The following LRFN5 variants were observed in gnomAD, a reference collection of about 807,000 sequenced individuals.
LRFN5 encodes leucine rich repeat and fibronectin type III domain containing 5.
LRFN5 carries 24 observed loss-of-function variants against 45.6 expected under a neutral mutation model. The observed-to-expected ratio is 0.53, with a 90% CI of 0.38 to 0.74. The LOEUF (loss-of-function observed/expected upper bound fraction) is 0.74, where lower values mean the gene tolerates loss of function less well. Ranked by LOEUF, LRFN5 falls within the 30% of genes least tolerant of loss-of-function variation. The pLI is 0.00. For missense variants in LRFN5, 776 were observed against 861.5 expected (o/e 0.90, Z 1.24); for synonymous variants, 340 against 313.8 (o/e 1.08, Z -0.88).
At chr14:41,667,830 G>T (rs1880975206) in intron 1 of LRFN5, among the ~76,000 whole-genome samples, 2 of 151,996 alleles carry the variant, frequency 1.3e-5, no homozygotes, top group South Asian at 2.1e-4. Flanking sequence ...ACTGAGCATG[G>T]CTTCTGACAG....
At chr14:41,706,814 A>G (rs1883086424) in intron 1 of LRFN5, among the ~76,000 whole-genome samples, 1 of 152,230 alleles carries the variant, frequency 6.6e-6, no homozygotes, top group Non-Finnish European at 1.5e-5. Flanking sequence ...GTAAAGCCAT[A>G]TAGAAAGATA....
chr14:41,652,178 A>T (rs1445080516), intron 1 of LRFN5, among the ~76,000 whole-genome samples: 1 of 152,108 alleles, frequency 6.6e-6, no homozygotes, highest in Non-Finnish European at 1.5e-5. Flanking sequence ...TTTTTAATAT[A>T]TTCAATTAAA....
chr14:41,693,059 A>G (rs144352023), intron 1 of LRFN5, among the ~76,000 whole-genome samples: 1 of 151,956 alleles, frequency 6.6e-6, no homozygotes, highest in Non-Finnish European at 1.5e-5. Flanking sequence ...GTGTGCATTT[A>G]TTTGTGGACT....
chr14:41,696,341 T>C (rs186730963), intron 1 of LRFN5, among the ~76,000 whole-genome samples: 1 of 152,070 alleles, frequency 6.6e-6, no homozygotes, highest in East Asian at 1.9e-4. Flanking sequence ...CTTATTTGAT[T>C]AAACAGTGGC....
At chr14:41,838,823 T>G (rs1888756398) in intron 2 of LRFN5, among the ~76,000 whole-genome samples, 1 of 152,134 alleles carries the variant, frequency 6.6e-6, no homozygotes, top group African/African-American at 2.4e-5. Flanking sequence ...GCGCTAAAAT[T>G]ATTGGTGGCC....
intron 2 of LRFN5, among the ~76,000 whole-genome samples, chr14:41,834,831 T>A (rs967963252): frequency 1.3e-5 from 2 of 151,760 alleles, no homozygotes; most frequent in East Asian, 3.9e-4. Context: ...CCTGGCTAAT[T>A]TTCGTATTTT....
intron 2 of LRFN5, among the ~76,000 whole-genome samples, chr14:41,835,729 G>A (rs979436106): frequency 6.6e-6 from 1 of 151,792 alleles, no homozygotes. Flanking sequence ...CACGTCTCAA[G>A]CAAAACAAAA....
chr14:41,616,774 A>C (rs2138548943), intron 1 of LRFN5, among the ~76,000 whole-genome samples: 1 of 152,206 alleles, frequency 6.6e-6, no homozygotes, highest in East Asian at 1.9e-4. Flanking sequence ...GAATTCAAAT[A>C]GTTGTCAAGA....
intron 2 of LRFN5, among the ~76,000 whole-genome samples, chr14:41,867,870 T>C (rs1204540696): frequency 6.6e-6 from 1 of 152,132 alleles, no homozygotes; most frequent in African/African-American, 2.4e-5. Flanking sequence ...TCATTTCTTC[T>C]TTGTCTCTGT....
intron 4 of LRFN5, 138 bp from the exon 5 acceptor site, chr14:41,898,779 G>GT (rs1170804831): frequency 7.6e-6 from 6 of 790,448 alleles, no homozygotes; most frequent in African/African-American, 5.5e-5. Flanking sequence ...GAACTGGTAA[G>GT]TTTTTTAAAA....
At chr14:41,820,706 G>C (rs927874990) in intron 2 of LRFN5, among the ~76,000 whole-genome samples, 1 of 151,850 alleles carries the variant, frequency 6.6e-6, no homozygotes, top group African/African-American at 2.4e-5. Context: ...GATTGCTTTG[G>C]TTAGCATATT....
intron 2 of LRFN5, among the ~76,000 whole-genome samples, chr14:41,841,188 A>G (rs1278420136): frequency 6.6e-6 from 1 of 151,994 alleles, no homozygotes; most frequent in African/African-American, 2.4e-5. Context: ...TGATTCTAGT[A>G]TCACATTTTA....
chr14:41,825,164 G>A (rs1354950048), intron 2 of LRFN5, among the ~76,000 whole-genome samples: 1 of 152,138 alleles, frequency 6.6e-6, no homozygotes, highest in Non-Finnish European at 1.5e-5. Flanking sequence ...CGTGCCCTCT[G>A]TTCAAGCCCT....
chr14:41,702,288 G>A (rs1015266054), intron 1 of LRFN5, among the ~76,000 whole-genome samples: 1 of 152,086 alleles, frequency 6.6e-6, no homozygotes, highest in Non-Finnish European at 1.5e-5. Flanking sequence ...CACATGCAGG[G>A]AATCCATGAA....
chr14:41,655,285 T>A (rs1437258647), intron 1 of LRFN5, among the ~76,000 whole-genome samples: 1 of 152,066 alleles, frequency 6.6e-6, no homozygotes, highest in Admixed American at 6.6e-5. Context: ...TTGGAAGGGT[T>A]ATTATTTTAT....
At chr14:41,855,640 A>C (rs142198253) in intron 2 of LRFN5, among the ~76,000 whole-genome samples, 1 of 152,162 alleles carries the variant, frequency 6.6e-6, no homozygotes, top group Non-Finnish European at 1.5e-5. Flanking sequence ...TATAACGACA[A>C]AAGTGTTCTT....
chr14:41,628,341 T>C (rs1456091497), intron 1 of LRFN5, among the ~76,000 whole-genome samples: 2 of 152,216 alleles, frequency 1.3e-5, no homozygotes, highest in Non-Finnish European at 2.9e-5. Flanking sequence ...AACTCATTGA[T>C]TTATTCATTC....
intron 2 of LRFN5, among the ~76,000 whole-genome samples, chr14:41,825,016 G>A (rs563005545): frequency 3.3e-5 from 5 of 152,304 alleles, no homozygotes; most frequent in Non-Finnish European, 5.9e-5. Flanking sequence ...AATGGCTGTG[G>A]AAAATGCTTA....
intron 1 of LRFN5, among the ~76,000 whole-genome samples, chr14:41,648,299 C>G (rs1879916522): frequency 6.6e-6 from 1 of 151,748 alleles, no homozygotes; most frequent in African/African-American, 2.4e-5. Context: ...ATATTATTTC[C>G]AGATTATTTT....
Sources: gnomAD v4.1 joint callset for allele counts (sites outside exome capture counted in the v4.1 genomes callset) on GRCh38, gnomAD v4.1.1 for gene constraint, MANE v1.5 for transcripts, NCBI Gene and HGNC (gene_info 2026-07-23, HGNC 2026-07-21) for gene names.